NCALD: variants seen among roughly 807,000 people sequenced by gnomAD.
NCALD encodes neurocalcin-delta.
In NCALD, 10 loss-of-function variants were observed where a neutral mutation model predicts 18.6. The ratio of observed to expected loss-of-function variants is 0.54; its 90% CI spans 0.33 to 0.91. NCALD has a LOEUF of 0.91. NCALD is among the 40% of genes least tolerant of loss of function. NCALD has a pLI of 0.03. For missense variants in NCALD, 184 were observed against 247.6 expected (o/e 0.74, Z 1.72); for synonymous variants, 88 against 87.4 (o/e 1.01, Z -0.04).
chr8:102,016,533 C>G (rs1465731825), intron 2 of NCALD, among the ~76,000 whole-genome samples: 2 of 152,132 alleles, frequency 1.3e-5, no homozygotes. Flanking sequence ...TGGAGAAAAA[C>G]CCTCTGGCAT....
chr8:102,040,371 G>T (rs1019804026), intron 1 of NCALD, among the ~76,000 whole-genome samples: 1 of 152,040 alleles, frequency 6.6e-6, no homozygotes. Context: ...CTACTTGGGA[G>T]GCTGAGGCAG....
At chr8:101,792,156 G>A (rs369318841), upstream of NCALD, among the ~76,000 whole-genome samples, 1 of 152,100 alleles carries the variant, frequency 6.6e-6, no homozygotes, top group African/African-American at 2.4e-5. Context: ...GGCTTATAAC[G>A]ACTTCTATTC....
chr8:102,089,162 A>T (rs189655877), intron 1 of NCALD, among the ~76,000 whole-genome samples: 1 of 152,304 alleles, frequency 6.6e-6, no homozygotes, highest in Non-Finnish European at 1.5e-5. Context: ...TGGGAGGCCA[A>T]GGTGGGTGGA....
At chr8:101,762,049 G>A (rs1413385561) in intron 1 of NCALD, among the ~76,000 whole-genome samples, 14 of 152,160 alleles carry the variant, frequency 9.2e-5, no homozygotes, top group Admixed American at 8.5e-4. Context: ...TAATTCTTCA[G>A]CTGAGATGAG....
intron 2 of NCALD, among the ~76,000 whole-genome samples, chr8:101,980,031 C>T (rs752206262): frequency 3.4e-4 from 51 of 152,200 alleles, no homozygotes; most frequent in Admixed American, 1.3e-3. Flanking sequence ...GGCAAAAACA[C>T]AGTGCTGAGC....
At chr8:101,696,722 C>G (rs1815009898) in intron 2 of NCALD, among the ~76,000 whole-genome samples, 1 of 152,200 alleles carries the variant, frequency 6.6e-6, no homozygotes. Context: ...CCCTTCCTTA[C>G]TTGCAGTCAG....
chr8:101,696,689 C>A (rs1412463047), intron 2 of NCALD, among the ~76,000 whole-genome samples: 1 of 152,226 alleles, frequency 6.6e-6, no homozygotes, highest in Non-Finnish European at 1.5e-5. Context: ...TATTCACATT[C>A]ATTTCCCAAA....
intron 1 of NCALD, among the ~76,000 whole-genome samples, chr8:102,028,516 TTA>T (rs1822544595): frequency 1.3e-5 from 2 of 152,346 alleles, no homozygotes; most frequent in African/African-American, 4.8e-5. Context: ...AAAGGATTGT[TTA>T]TCAAACCCTT....
intron 1 of NCALD, among the ~76,000 whole-genome samples, chr8:101,764,015 C>CACACA (rs1563744453): frequency 1.7e-4 from 2 of 11,650 alleles, no homozygotes; most frequent in Non-Finnish European, 3.9e-4. Flanking sequence ...CACACACACA[C>CACACA]CCCCTATTGG....
chr8:101,717,787 C>A (rs770847005), intron 2 of NCALD, among the ~76,000 whole-genome samples: 2 of 152,034 alleles, frequency 1.3e-5, no homozygotes, highest in Non-Finnish European at 2.9e-5. Context: ...ACAACAACAA[C>A]AAAAAATAGA....
At chr8:101,783,949 C>T (rs1223604253) in intron 1 of NCALD, among the ~76,000 whole-genome samples, 1 of 152,016 alleles carries the variant, frequency 6.6e-6, no homozygotes, top group East Asian at 1.9e-4. Context: ...TGAAGTTTAG[C>T]CCTCTACACA....
intron 4 of NCALD, among the ~76,000 whole-genome samples, chr8:101,842,416 T>C (rs1386366651): frequency 6.6e-6 from 1 of 152,222 alleles, no homozygotes; most frequent in Non-Finnish European, 1.5e-5. Flanking sequence ...CTGCAAGTGA[T>C]AGAAATTAAC....
intron 2 of NCALD, chr8:101,915,945 A>G (rs1586748771): frequency 6.6e-6 from 1 of 152,192 alleles, no homozygotes; most frequent in East Asian, 1.9e-4. Flanking sequence ...ACCTATTTTA[A>G]CAGCAGAACA....
chr8:101,913,736 C>T (rs768418597), intron 3 of NCALD, among the ~76,000 whole-genome samples: 88 of 152,180 alleles, frequency 5.8e-4, no homozygotes, highest in Non-Finnish European at 1.1e-3. Flanking sequence ...GCATGCACCA[C>T]CACGCCCAGC....
intron 4 of NCALD, among the ~76,000 whole-genome samples, chr8:101,817,414 A>C (rs982529697): frequency 6.6e-6 from 1 of 152,146 alleles, no homozygotes; most frequent in African/African-American, 2.4e-5. Flanking sequence ...CTTGTCACCC[A>C]CATTAAAAGA....
At chr8:102,077,047 T>C (rs552057538) in intron 1 of NCALD, among the ~76,000 whole-genome samples, 1 of 152,270 alleles carries the variant, frequency 6.6e-6, no homozygotes, top group East Asian at 1.9e-4. Flanking sequence ...CCTGAAATCA[T>C]GTAGTCTCTC....
intron 1 of NCALD, among the ~76,000 whole-genome samples, chr8:102,043,754 G>A (rs1174259203): frequency 1.4e-5 from 2 of 143,326 alleles, no homozygotes; most frequent in Non-Finnish European, 3.0e-5. Context: ...AAGGGAAGGG[G>A]AAGGGGAAGG....
chr8:102,067,274 T>C (rs1824039550), intron 1 of NCALD, among the ~76,000 whole-genome samples: 1 of 152,194 alleles, frequency 6.6e-6, no homozygotes, highest in African/African-American at 2.4e-5. Flanking sequence ...CAGGGAAACA[T>C]GTGAAGCCAT....
rs978101174 is a variant in NCALD at position 101,689,638 on chromosome 8, C to T, written c.485-232G>A. ...TAGGACAGTACATGTGGCAATCAAA[C>T]GCCGCTGCCTGAGAGCCCACTGTGT... On this transcript the variant is annotated intron_variant, in intron 3 of 3. Coordinates refer to ENST00000220931, the MANE Select transcript of NCALD (RefSeq NM_032041.3). This position sits in a 1 kb window ranked among gnomAD's most constrained non-coding sequence, Gnocchi z 4.4. 2.0e-5 allele frequency among the ~76,000 whole-genome samples: 3 copies of T among 152,244 alleles called. No homozygotes were observed. The highest frequency in any genetic ancestry group is 6.5e-5 in the Admixed American group (1 of 15,290).
Sources: gnomAD v4.1 joint callset for allele counts (sites outside exome capture counted in the v4.1 genomes callset) on GRCh38, gnomAD v4.1.1 for gene constraint, Gnocchi (gnomAD v3.1) non-coding constraint, MANE v1.5 for transcripts, NCBI Gene and HGNC (gene_info 2026-07-23, HGNC 2026-07-21) for gene names.